MAN2B1: variants seen among roughly 807,000 people sequenced by gnomAD.
MAN2B1 encodes the protein mannosidase alpha class 2B member 1, also known as lysosomal alpha-mannosidase.
In MAN2B1, 99 loss-of-function variants were observed where a neutral mutation model predicts 127.5. The ratio of observed to expected loss-of-function variants is 0.78; its 90% CI spans 0.66 to 0.92. MAN2B1 has a LOEUF of 0.92. MAN2B1 is among the 40% of genes least tolerant of loss of function. The probability of loss-of-function intolerance (pLI) is 0.00; values close to 1 mark genes in which losing one functional copy is unlikely to be tolerated. For missense variants in MAN2B1, 1,304 were observed against 1,384.8 expected (o/e 0.94, Z 0.93); for synonymous variants, 573 against 568.8 (o/e 1.01, Z -0.11).
At chr19:12,660,785 G>C (rs1416876411) in intron 7 of MAN2B1, 1 of 127,790 alleles carries the variant, frequency 7.8e-6, no homozygotes, top group Non-Finnish European at 1.6e-5. Flanking sequence ...TTGAGACAGA[G>C]TCTTTCTCTG....
At position 12,658,259 on chromosome 19, in the gene MAN2B1, T is replaced by G; in HGVS notation, c.1195A>C (p.Lys399Gln). 6.2e-7 allele frequency: 1 copy of G among 1,614,134 alleles called. No individual in the cohort carries two copies. The highest frequency in any genetic ancestry group is 1.1e-5 in the South Asian group (1 of 91,084). ...TGYFSSRPAL[K>Q]RYERLSYNFL... ...TTGTAGCTGAGGCGCTCGTAGCGTTTGAGGGCCGGCCGACTGGAAAAGTAA... is the reference window on the plus strand; with the variant it reads ...TTGTAGCTGAGGCGCTCGTAGCGTTGGAGGGCCGGCCGACTGGAAAAGTAA... The change falls in exon 9 of 24, where the codon AAA (lysine) becomes CAA (glutamine). Residue 399 changes from lysine to glutamine, a missense_variant. Physicochemically the swap from Lys to Gln is moderately conservative, Grantham distance 53 (BLOSUM62 1). Transcript: ENST00000456935.
intron 19 of MAN2B1, 38 bp downstream of exon 19, chr19:12,649,303 C>T (rs1450410058): frequency 6.2e-7 from 1 of 1,602,390 alleles, no homozygotes; most frequent in Non-Finnish European, 8.5e-7. Context: ...GATTCCCTTT[C>T]TATCGAGGTG....
In MAN2B1 at chr19:12,664,929, A is replaced by G. The variant is rs1159733646; in HGVS notation, c.493T>C (p.Tyr165His). The G allele has an allele frequency of 6.2e-7, 1 of 1,614,164 alleles. No homozygotes were observed. Reference protein sequence around the residue: ...WVMNDEAATHYGAIVDQMTLG... With the variant: ...WVMNDEAATHHGAIVDQMTLG... ...GTCATCTGGTCCACGATGGCACCGT[A>G]GTGGGTGGCTGCCTCATCGTTCATC... The change falls in exon 4 of 24, where the codon TAC (tyrosine) becomes CAC (histidine). Residue 165 changes from tyrosine (Y) to histidine (H), a missense_variant. Physicochemically the swap from Tyr to His is moderately conservative, Grantham distance 83. Coordinates refer to ENST00000456935, the MANE Select transcript of MAN2B1 (RefSeq NM_000528.4).
At position 12,649,474 on chromosome 19, in the gene MAN2B1, A is replaced by ATTTTTTT. The variant is rs2023785024; in HGVS notation, c.2268-47_2268-46insAAAAAAA. On this transcript the variant is annotated intron_variant, in intron 18 of 23. Transcript: ENST00000456935. Reference sequence around the variant, plus strand: ...ATCAGGCTTGGGATCTGGCTCCCCAACTCTTTTTTTTTTTTTTTTTTTTTT... The same window carrying ATTTTTTT: ...ATCAGGCTTGGGATCTGGCTCCCCAATTTTTTTCTCTTTTTTTTTTTTTTTTTTTTTT... 3 of 591,380 alleles carry ATTTTTTT rather than the reference A, an allele frequency of 5.1e-6. No individual in the cohort carries two copies. In the African/African-American group the frequency reaches 1.8e-4, roughly 35 times the overall value. 36.6% of individuals were successfully genotyped at this position (591,380 alleles called of 1,614,324 possible).
chr19:12,654,514 G>A (rs867111782), intron 14 of MAN2B1, among the ~76,000 whole-genome samples: 15 of 152,136 alleles, frequency 9.9e-5, no homozygotes, highest in African/African-American at 2.9e-4. Context: ...CCTCTGCTGC[G>A]GACCAGGGCC....
intron 2 of MAN2B1, 82 bp downstream of exon 2, chr19:12,665,621 T>C: frequency 6.4e-7 from 1 of 1,574,700 alleles, no homozygotes; most frequent in Non-Finnish European, 8.7e-7. Flanking sequence ...AGGGTAGCAC[T>C]GGCCCCACCC....
chr19:12,659,912 G>A (rs1411260122), intron 7 of MAN2B1, among the ~76,000 whole-genome samples: 1 of 152,102 alleles, frequency 6.6e-6, no homozygotes, highest in African/African-American at 2.4e-5. Context: ...GCAGTGCTGG[G>A]AGCGAGTGGA....
chr19:12,650,234 CG>C lies in MAN2B1; in HGVS notation c.2047-13del, dbSNP rs2023810872. On this transcript the variant is annotated splice_polypyrimidine_tract_variant and intron_variant, in intron 16 of 23. Coordinates refer to ENST00000456935, the MANE Select transcript of MAN2B1 (RefSeq NM_000528.4). ...TGCACCAAGGGTGTCTGCGGGCACACGGGTGAGGTGGATGTCAGTCTGTACC... is the reference window on the plus strand; with the variant it reads ...TGCACCAAGGGTGTCTGCGGGCACACGGTGAGGTGGATGTCAGTCTGTACC... The C allele has an allele frequency of 6.4e-7, 1 of 1,558,484 alleles. No homozygotes were observed. The highest frequency in any genetic ancestry group is 8.8e-7 in the Non-Finnish European group (1 of 1,130,172).
In MAN2B1 at chr19:12,657,468, G is replaced by C. The variant is rs772018545; in HGVS notation, c.1397C>G (p.Ala466Gly). 1 of 1,558,382 alleles carries C rather than the reference G, an allele frequency of 6.4e-7. No homozygotes were observed. Among genetic ancestry groups the C allele is most frequent in the Non-Finnish European group, 8.7e-7 (1 of 1,152,032 alleles). The change falls in exon 11 of 24, where the codon GCG (alanine) becomes GGG (glycine). Residue 466 changes from alanine to glycine, a missense_variant. By Grantham distance (60) the Ala-to-Gly change is moderately conservative. Coordinates refer to ENST00000456935, the MANE Select transcript of MAN2B1 (RefSeq NM_000528.4). ...HVANDYARQL[A>G]AGWGPCEVLL... ...CACCTCGCAAGGCCCCCAGCCTGCC[G>C]CAAGCTGGCGCGCGTAGTCGTTGGC...
At chr19:12,663,551 C>A in intron 5 of MAN2B1, 89 bp from the exon 6 acceptor site, 1 of 1,578,304 alleles carries the variant, frequency 6.3e-7, no homozygotes, top group Non-Finnish European at 8.6e-7. Context: ...GGATGGGCTT[C>A]AGAATTTGTG....
In MAN2B1 at chr19:12,647,297, C is replaced by A. The variant is rs1167934301; in HGVS notation, c.2859G>T (p.Glu953Asp). Reference sequence around the variant, plus strand: ...GGAGCTGGTTGGCCACCAGCGTGGTCTCCTGCAGGCGGGTGATGGTGAAGG... The same window carrying A: ...GGAGCTGGTTGGCCACCAGCGTGGTATCCTGCAGGCGGGTGATGGTGAAGG... ...FSTFTITRLQETTLVANQLRE... is the reference protein window; with the variant it reads ...FSTFTITRLQDTTLVANQLRE... The change falls in exon 23 of 24, where the codon GAG (glutamate) becomes GAT (aspartate). Residue 953 changes from glutamate to aspartate, a missense_variant. By Grantham distance (45) the Glu-to-Asp change is conservative. Coordinates refer to ENST00000456935, the MANE Select transcript of MAN2B1 (RefSeq NM_000528.4). This position sits in a 1 kb window ranked among gnomAD's most constrained non-coding sequence, Gnocchi z 4.9. 1.2e-6 allele frequency: 2 copies of A among 1,614,154 alleles called. No individual in the cohort carries two copies. The highest frequency in any genetic ancestry group is 2.2e-5 in the South Asian group (2 of 91,080).
At chr19:12,663,981 C>A (rs2024169394) in intron 4 of MAN2B1, 146 bp from the exon 5 acceptor site, 1 of 1,090,450 alleles carries the variant, frequency 9.2e-7, no homozygotes, top group Non-Finnish European at 1.4e-6. Flanking sequence ...TGATCCCAGC[C>A]TTCTGGGAGG....
At chr19:12,649,574 C>T (rs1329810958) in intron 18 of MAN2B1, 146 bp from the exon 19 acceptor site, 11 of 642,680 alleles carry the variant, frequency 1.7e-5, no homozygotes, top group East Asian at 5.5e-5. Flanking sequence ...CTCCGCCTCC[C>T]GGCTTCACGC....
Position 12,649,904 on chromosome 19 carries a change from A to T in MAN2B1, c.2267+9T>A. 6.5e-7 allele frequency: 1 copy of T among 1,535,406 alleles called. No homozygotes were observed. Among genetic ancestry groups the T allele is most frequent in the Non-Finnish European group, 8.9e-7 (1 of 1,128,262 alleles). On this transcript the variant is annotated intron_variant, in intron 18 of 23. Coordinates refer to ENST00000456935, the MANE Select transcript of MAN2B1 (RefSeq NM_000528.4). ...GACCACCCCCTCAGTGCTCTCAGTC[A>T]CCCCCCACCTCCTCTCCAGGATCTC...
chr19:12,661,779 G>A (rs1395791464), intron 6 of MAN2B1, among the ~76,000 whole-genome samples: 2 of 151,338 alleles, frequency 1.3e-5, no homozygotes, highest in Admixed American at 1.3e-4. Flanking sequence ...CTTGAGTCTA[G>A]GAGTTTAAGA....
chr19:12,664,537 C>A (rs2024181049), intron 4 of MAN2B1, among the ~76,000 whole-genome samples: 1 of 152,134 alleles, frequency 6.6e-6, no homozygotes, highest in Non-Finnish European at 1.5e-5. Flanking sequence ...TGGGTGGGGC[C>A]AGAACACCAA....
At chr19:12,650,704 C>T (rs1237062183) in intron 16 of MAN2B1, among the ~76,000 whole-genome samples, 13 of 142,654 alleles carry the variant, frequency 9.1e-5, no homozygotes, top group Non-Finnish European at 1.1e-4. Flanking sequence ...GAGTTTTGCT[C>T]TTGTTGCCCA....
At chr19:12,659,664 C>G (rs2024058449) in intron 7 of MAN2B1, among the ~76,000 whole-genome samples, 1 of 151,832 alleles carries the variant, frequency 6.6e-6, no homozygotes, top group Non-Finnish European at 1.5e-5. Flanking sequence ...ACTAAAAATA[C>G]AAAAATTAGC....
chr19:12,652,012 G>T, intron 16 of MAN2B1, 141 bp downstream of exon 16: 1 of 745,594 alleles, frequency 1.3e-6, no homozygotes, highest in Non-Finnish European at 2.4e-6. Flanking sequence ...TATTTCCCCC[G>T]CTGATCTGTG....
Sources: allele counts gnomAD v4.1 joint callset (sites outside exome capture counted in the v4.1 genomes callset), GRCh38; gene constraint gnomAD v4.1.1; non-coding constraint Gnocchi (gnomAD v3.1); transcripts MANE v1.5; gene names NCBI Gene and HGNC (gene_info 2026-07-23, HGNC 2026-07-21).